ZNF419: variants seen among roughly 807,000 people sequenced by gnomAD.
ZNF419 encodes the protein zinc finger protein 419, also known as zinc finger protein 419A.
ZNF419 carries 8 observed loss-of-function variants against 14.9 expected under a neutral mutation model. That is an observed-to-expected ratio of 0.54 (90% CI 0.32 to 0.97). ZNF419 has a LOEUF of 0.97. Ranked by LOEUF, ZNF419 falls within the 50% of genes least tolerant of loss-of-function variation. ZNF419 has a pLI of 0.04. For synonymous variants in ZNF419, 211 were observed against 205.3 expected (o/e 1.03, Z -0.24); for missense variants, 595 against 607.2 (o/e 0.98, Z 0.21).
intron 4 of ZNF419, chr19:57,492,456 A>G (rs781365169): frequency 2.6e-6 from 2 of 769,118 alleles, no homozygotes; most frequent in South Asian, 2.7e-5. Context: ...ATGTGTGGTG[A>G]GGTGGATGCT....
In ZNF419 at chr19:57,487,927, C is replaced by G; in HGVS notation, c.-24C>G. The G allele has an allele frequency of 6.2e-7, 1 of 1,613,822 alleles. No individual in the cohort carries two copies. Among genetic ancestry groups the G allele is most frequent in the African/African-American group, 1.3e-5 (1 of 75,060 alleles). On this transcript the variant is annotated 5_prime_UTR_variant, in exon 1 of 5. Coordinates refer to ENST00000221735, the MANE Select transcript of ZNF419 (RefSeq NM_024691.4). ...GCCCTTTCCTCGGTCATTGTCTCCC[C>G]TCCAGCTCTACTCACAGGCTCCGAT...
At position 57,494,046 on chromosome 19, in the gene ZNF419, A is replaced by T. The variant is rs1230755911; in HGVS notation, c.1489A>T (p.Ser497Cys). The T allele has an allele frequency of 6.2e-7, 1 of 1,612,122 alleles. No individual in the cohort carries two copies. Among genetic ancestry groups the T allele is most frequent in the South Asian group, 1.1e-5 (1 of 90,588 alleles). ...TGGGAAGTTTTTTCGCCACAACTCCAGTCTTTTTAAACATCGAAGGATTCA... is the reference window on the plus strand; with the variant it reads ...TGGGAAGTTTTTTCGCCACAACTCCTGTCTTTTTAAACATCGAAGGATTCA... Reference protein sequence around the residue: ...ECGKFFRHNSSLFKHRRIHTG... With the variant: ...ECGKFFRHNSCLFKHRRIHTG... Residue 497 changes from serine (S) to cysteine (C), a missense_variant, in exon 5 of 5, where the codon AGT becomes TGT. Physicochemically the swap from Ser to Cys is moderately radical, Grantham distance 112 (BLOSUM62 -1). Transcript: ENST00000221735.
chr19:57,490,923 C>T (rs1176358225), intron 2 of ZNF419: 1 of 160,372 alleles, frequency 6.2e-6, no homozygotes. Flanking sequence ...GGAGGGAGGC[C>T]TTCAAAGTGG....
rs745813879 is a variant in ZNF419 at position 57,493,727 on chromosome 19, A to G, written c.1170A>G (p.Gln390=). Residue 390 remains glutamine (Q), a synonymous_variant, in exon 5 of 5, where the codon CAA becomes CAG. Coordinates refer to ENST00000221735, the MANE Select transcript of ZNF419 (RefSeq NM_024691.4). ...FTQCSSLMQH[Q]KVHTGEKPFK... is the part of the protein sequence containing the mutation. The stretch of plus-strand genomic sequence containing the variant: ...AATGCTCAAGCCTCATGCAACATCA[A>G]AAAGTTCACACTGGAGAAAAGCCTT... The G allele has an allele frequency of 2.7e-5, 44 of 1,612,640 alleles. No homozygotes were observed. Among genetic ancestry groups the G allele is most frequent in the Non-Finnish European group, 3.6e-5 (43 of 1,179,576 alleles).
At position 57,495,306 on chromosome 19, in the gene ZNF419, A is replaced by C. The variant is rs530119785; in HGVS notation, c.*1216A>C. 2.6e-5 allele frequency: 4 copies of C among 152,208 alleles called. No individual in the cohort carries two copies. Among genetic ancestry groups the C allele is most frequent in the African/African-American group, 9.6e-5 (4 of 41,528 alleles). The allele number at this position is 152,208 out of a possible 1,614,324, so 9.4% of individuals were successfully genotyped here. ...AGCCACCATGCTTGGCCTTGTTTTCAGTTCTTAACAGTATCTTTCCTAGAG... is the reference window on the plus strand; with the variant it reads ...AGCCACCATGCTTGGCCTTGTTTTCCGTTCTTAACAGTATCTTTCCTAGAG... On this transcript the variant is annotated 3_prime_UTR_variant, in exon 5 of 5. Transcript: ENST00000221735.
chr19:57,492,239 T>C (rs1555789555), intron 4 of ZNF419, 28 bp downstream of exon 4: 2 of 1,611,480 alleles, frequency 1.2e-6, no homozygotes, highest in South Asian at 2.2e-5. Flanking sequence ...CTCAGGGAGG[T>C]GTGAACTCAG....
chr19:57,493,518 G>A lies in ZNF419; in HGVS notation c.961G>A (p.Gly321Arg). 6.2e-7 allele frequency: 1 copy of A among 1,614,110 alleles called. No individual in the cohort carries two copies. Among genetic ancestry groups the A allele is most frequent in the South Asian group, 1.1e-5 (1 of 91,074 alleles). ...GVRPYECSEC[G>R]KLFSFNSSLM... ...AAGGCCTTATGAGTGCAGTGAATGT[G>A]GAAAATTGTTTAGTTTCAACTCCAG... The change falls in exon 5 of 5, where the codon GGA (glycine) becomes AGA (arginine). Residue 321 changes from glycine to arginine, a missense_variant. Transcript: ENST00000221735.
chr19:57,493,061 C>T lies in ZNF419; in HGVS notation c.504C>T (p.Leu168=), dbSNP rs778962213. 33 of 1,614,018 alleles carry T rather than the reference C, an allele frequency of 2.0e-5. No homozygotes were observed. Among genetic ancestry groups the T allele is most frequent in the South Asian group, 4.4e-5 (4 of 91,064 alleles). The part of the protein sequence containing the change: ...SLQSREVGKA[L]LISSGVLKHQ... Reference sequence around the variant, plus strand: ...AAAGCAGGGAGGTTGGGAAGGCCCTCCTGATCAGCTCAGGTGTTCTCAAGC... The same window carrying T: ...AAAGCAGGGAGGTTGGGAAGGCCCTTCTGATCAGCTCAGGTGTTCTCAAGC... Residue 168 remains leucine (L), a synonymous_variant, in exon 5 of 5, where the codon CTC becomes CTT. Transcript: ENST00000221735.
intron 2 of ZNF419, chr19:57,491,136 A>G: frequency 2.8e-6 from 1 of 357,746 alleles, no homozygotes; most frequent in Non-Finnish European, 5.3e-6. Context: ...AGATGTCCCC[A>G]GGACCTTGTA....
At chr19:57,491,945 G>A (rs1412609038) in intron 3 of ZNF419, 168 bp from the exon 4 acceptor site, 9 of 668,796 alleles carry the variant, frequency 1.3e-5, no homozygotes, top group Non-Finnish European at 2.1e-5. Context: ...CCTGGGTGTC[G>A]GTCTGTGCCA....
rs559767727 is a variant in ZNF419, at chr19:57,493,374, C to T, written c.817C>T (p.His273Tyr). Residue 273 changes from histidine to tyrosine, a missense_variant, in exon 5 of 5, where the codon CAC becomes TAC. His to Tyr is a moderately conservative substitution (Grantham distance 83). Transcript: ENST00000221735. The stretch of plus-strand genomic sequence containing the variant: ...TGGAAAATCCTTTAGCCGTAATGCT[C>T]ACCTCATTGAACACCAGAGAGTTCA... ...NCGKSFSRNAHLIEHQRVHTG... is the reference protein window; with the variant it reads ...NCGKSFSRNAYLIEHQRVHTG... 9 of 1,613,818 alleles carry T rather than the reference C, an allele frequency of 5.6e-6. No homozygotes were observed. Among genetic ancestry groups the T allele is most frequent in the South Asian group, 1.1e-5 (1 of 91,062 alleles).
Position 57,487,887 on chromosome 19 carries a change from C to T in ZNF419, c.-64C>T. 1.9e-6 allele frequency: 3 copies of T among 1,611,504 alleles called. No individual in the cohort carries two copies. In the South Asian group the frequency reaches 3.3e-5, roughly 18 times the overall value. ...GCGGGTCTGAGGCTCGGTGGCGGCGCCCAGGGTGGCCCGGGCCCTTTCCTC... is the reference window on the plus strand; with the variant it reads ...GCGGGTCTGAGGCTCGGTGGCGGCGTCCAGGGTGGCCCGGGCCCTTTCCTC... On this transcript the variant is annotated 5_prime_UTR_variant, in exon 1 of 5. Coordinates refer to ENST00000221735, the MANE Select transcript of ZNF419 (RefSeq NM_024691.4).
chr19:57,491,294 C>A, intron 2 of ZNF419, 177 bp from the exon 3 acceptor site: 1 of 860,652 alleles, frequency 1.2e-6, no homozygotes, highest in Non-Finnish European at 1.8e-6. Context: ...TGCCTACCTG[C>A]CTATTGTTGC....
At position 57,495,882 on chromosome 19, in the gene ZNF419, C is replaced by T. The variant is rs1390228191; in HGVS notation, c.*1792C>T. The T allele has an allele frequency of 6.7e-6, 1 of 149,148 alleles. No homozygotes were observed. The highest frequency in any genetic ancestry group is 1.5e-5 in the Non-Finnish European group (1 of 67,770). 9.2% of individuals were successfully genotyped at this position (149,148 alleles called of 1,614,324 possible). A position where few individuals can be genotyped will look rare whatever the true frequency, so the allele number is the denominator to read the frequency against. On this transcript the variant is annotated 3_prime_UTR_variant, in exon 5 of 5. Coordinates refer to ENST00000221735, the MANE Select transcript of ZNF419 (RefSeq NM_024691.4). ...AATTCAATATATAGATAAATGTGTA[C>T]ATATTCCCTATCTTTACTGAGAGCC...
chr19:57,491,506 C>T lies in ZNF419; in HGVS notation c.108C>T (p.Phe36=), dbSNP rs1219622111. 2.5e-6 allele frequency: 4 copies of T among 1,614,146 alleles called. No individual in the cohort carries two copies. Among genetic ancestry groups the T allele is most frequent in the South Asian group, 2.2e-5 (2 of 91,080 alleles). The change falls in exon 3 of 5, where the codon TTC becomes TTT. Residue 36 remains phenylalanine, a synonymous_variant. Transcript: ENST00000221735. ...CCTTTGAGGATGTGGCTGTCTACTT[C>T]TCCCAGGAGGAATGGAGATTGCTTG... ...YVTFEDVAVY[F]SQEEWRLLDD...
rs745989069 is a variant in ZNF419 at position 57,493,554 on chromosome 19, C to G, written c.997C>G (p.His333Asp). 5.6e-5 allele frequency: 90 copies of G among 1,608,176 alleles called. No individual in the cohort carries two copies. Among genetic ancestry groups the G allele is most frequent in the Non-Finnish European group, 7.2e-5 (85 of 1,175,148 alleles). The change falls in exon 5 of 5, where the codon CAT becomes GAT. Residue 333 changes from histidine (H) to aspartate (D), a missense_variant. His to Asp is a moderately conservative substitution (Grantham distance 81). Coordinates refer to ENST00000221735, the MANE Select transcript of ZNF419 (RefSeq NM_024691.4). ...TAGTTTCAACTCCAGCCTCATGAAA[C>G]ATCAGAGAATTCACACTGGAGAAAG... ...LFSFNSSLMKHQRIHTGERPY... is the reference protein window; with the variant it reads ...LFSFNSSLMKDQRIHTGERPY...
Position 57,493,670 on chromosome 19 carries a change from C to T in ZNF419, c.1113C>T (p.Tyr371=), listed in dbSNP as rs546879304. 5.0e-6 allele frequency: 8 copies of T among 1,614,050 alleles called. No homozygotes were observed. The African/African-American group carries it at 6.7e-5, about 13-fold the overall frequency. ...HWRVHTGERP[Y]KCSDCGKFFT... is the part of the protein sequence containing the mutation. ...GTGTTCATACTGGAGAAAGGCCTTACAAGTGCAGCGACTGTGGGAAATTTT... is the reference window on the plus strand; with the variant it reads ...GTGTTCATACTGGAGAAAGGCCTTATAAGTGCAGCGACTGTGGGAAATTTT... Residue 371 remains tyrosine (Y), a synonymous_variant, in exon 5 of 5, where the codon TAC becomes TAT. Coordinates refer to ENST00000221735, the MANE Select transcript of ZNF419 (RefSeq NM_024691.4).
chr19:57,493,540 C>G lies in ZNF419; in HGVS notation c.983C>G (p.Ser328Cys). 3 of 1,608,304 alleles carry G rather than the reference C, an allele frequency of 1.9e-6. No homozygotes were observed. The highest frequency in any genetic ancestry group is 1.1e-5 in the South Asian group (1 of 90,742). Residue 328 changes from serine to cysteine, a missense_variant, in exon 5 of 5, where the codon TCC becomes TGC. Coordinates refer to ENST00000221735, the MANE Select transcript of ZNF419 (RefSeq NM_024691.4). ...SECGKLFSFN[S>C]SLMKHQRIHT... ...TGTGGAAAATTGTTTAGTTTCAACTCCAGCCTCATGAAACATCAGAGAATT... is the reference window on the plus strand; with the variant it reads ...TGTGGAAAATTGTTTAGTTTCAACTGCAGCCTCATGAAACATCAGAGAATT...
rs1249119585 is a variant in ZNF419 at position 57,489,488 on chromosome 19, T to G, written c.34-659T>G. On this transcript the variant is annotated intron_variant, in intron 1 of 4. Transcript: ENST00000221735. ...TTTCTTTTTCTTTCTTTCTTTCTTT[T>G]TTTTTTTTTTTTTTTTTTGAGACAG... The G allele has an allele frequency of 6.4e-4, 14 of 21,746 alleles. No homozygotes were observed. In the East Asian group the frequency reaches 0.023, roughly 36 times the overall value. 1.3% of individuals were successfully genotyped at this position (21,746 alleles called of 1,614,324 possible).
Sources: allele counts gnomAD v4.1 joint callset, GRCh38; gene constraint gnomAD v4.1.1; transcripts MANE v1.5; gene names NCBI Gene and HGNC (gene_info 2026-07-23, HGNC 2026-07-21).